FOXK2: variants seen among roughly 807,000 people sequenced by gnomAD.
FOXK2 encodes the protein forkhead box K2, also known as forkhead box protein K2.
FOXK2 carries 24 observed loss-of-function variants against 53.3 expected under a neutral mutation model. The ratio of observed to expected loss-of-function variants is 0.45; its 90% CI spans 0.33 to 0.63. The LOEUF (loss-of-function observed/expected upper bound fraction) is 0.63. Ranked by LOEUF, FOXK2 falls within the 30% of genes least tolerant of loss-of-function variation. The pLI is 0.03. For synonymous variants in FOXK2, 505 were observed against 407.1 expected (o/e 1.24, Z -2.89); for missense variants, 952 against 910.5 (o/e 1.05, Z -0.59).
chr17:82,557,805 C>T (rs1322506004), intron 1 of FOXK2, among the ~76,000 whole-genome samples: 1 of 152,092 alleles, frequency 6.6e-6, no homozygotes, highest in Non-Finnish European at 1.5e-5. Flanking sequence ...GCACCACCAT[C>T]CTGGGTAAGT....
Position 82,587,087 on chromosome 17 carries a change from T to C in FOXK2, c.1601T>C (p.Ile534Thr). 1.9e-6 allele frequency: 3 copies of C among 1,578,436 alleles called. No homozygotes were observed. The highest frequency in any genetic ancestry group is 2.6e-6 in the Non-Finnish European group (3 of 1,159,204). Reference protein sequence around the residue: ...VKVKVEPIPAIGHATLGTASR... With the variant: ...VKVKVEPIPATGHATLGTASR... ...GTGAAAGTAGAGCCTATTCCCGCCATTGGCCACGCCACGCTCGGCACTGCC... is the reference window on the plus strand; with the variant it reads ...GTGAAAGTAGAGCCTATTCCCGCCACTGGCCACGCCACGCTCGGCACTGCC... Residue 534 changes from isoleucine to threonine, a missense_variant, in exon 8 of 9, where the codon ATT becomes ACT. Coordinates refer to ENST00000335255, the MANE Select transcript of FOXK2 (RefSeq NM_004514.4).
intron 4 of FOXK2, among the ~76,000 whole-genome samples, chr17:82,573,210 C>CCTACCAG (rs903644212): frequency 6.6e-6 from 1 of 151,750 alleles, no homozygotes; most frequent in Non-Finnish European, 1.5e-5. Flanking sequence ...AAAAAAAAAG[C>CCTACCAG]CTACCAGCCA....
In FOXK2 at chr17:82,550,498, C is replaced by T. The variant is rs1269307662; in HGVS notation, c.420-12856C>T. Among the ~76,000 whole-genome samples, 6 of 139,050 alleles carry T rather than the reference C, an allele frequency of 4.3e-5. No individual in the cohort carries two copies. The East Asian group carries it at 6.7e-4, about 16-fold the overall frequency. The allele number at this position is 139,050 out of a possible 152,430, so 91.2% of individuals were successfully genotyped here. A position where few individuals can be genotyped will look rare whatever the true frequency, so the allele number is the denominator to read the frequency against. On this transcript the variant is annotated intron_variant, in intron 1 of 8. Coordinates refer to ENST00000335255, the MANE Select transcript of FOXK2 (RefSeq NM_004514.4). ...AACTCCATGCCTGGCCCTTCTGAGG[C>T]GGGCTTTTTTTTTTTTTTTTTTGAG...
At chr17:82,560,025 T>A (rs1424059282) in intron 1 of FOXK2, among the ~76,000 whole-genome samples, 5 of 119,084 alleles carry the variant, frequency 4.2e-5, no homozygotes, top group South Asian at 2.9e-4. Flanking sequence ...TTTTTTTTTT[T>A]AATGGAGTCT....
At chr17:82,577,577 G>A (rs573432394) in intron 4 of FOXK2, among the ~76,000 whole-genome samples, 107 of 152,230 alleles carry the variant, frequency 7.0e-4, no homozygotes, top group African/African-American at 2.2e-3. Context: ...GCATACCGCC[G>A]ACACTGCGGG....
rs901028493 is a variant in FOXK2, at chr17:82,586,173, G to A, written c.1549G>A (p.Glu517Lys). 11 of 1,611,412 alleles carry A rather than the reference G, an allele frequency of 6.8e-6. No homozygotes were observed. Among genetic ancestry groups the A allele is most frequent in the Admixed American group, 1.7e-5 (1 of 59,918 alleles). The change falls in exon 7 of 9, where the codon GAG (glutamate) becomes AAG (lysine). Residue 517 changes from glutamate (E) to lysine (K), a missense_variant. By Grantham distance (56) the Glu-to-Lys change is moderately conservative. Transcript: ENST00000335255. ...GGCCCCTCCTAAGGCAGAGGCCCAG[G>A]AGAATGGAGACCACAGGGAAGTCAA... is the stretch of plus-strand genomic sequence containing the variant. ...VLAPPKAEAQENGDHREVKVK... is the reference protein window; with the variant it reads ...VLAPPKAEAQKNGDHREVKVK...
chr17:82,546,192 C>T (rs1032958377), intron 1 of FOXK2, among the ~76,000 whole-genome samples: 14 of 145,142 alleles, frequency 9.6e-5, no homozygotes, highest in Admixed American at 2.1e-4. Context: ...TCTTGGCTCA[C>T]AGCAACCTCC....
At chr17:82,578,050 T>C (rs2045010778) in intron 4 of FOXK2, 2 of 152,406 alleles carry the variant, frequency 1.3e-5, no homozygotes, top group South Asian at 2.1e-4. Context: ...TGATCTCTTT[T>C]AAAGGGAGGA....
At chr17:82,529,069 G>A (rs1040660822) in intron 1 of FOXK2, among the ~76,000 whole-genome samples, 1 of 152,176 alleles carries the variant, frequency 6.6e-6, no homozygotes, top group South Asian at 2.1e-4. Flanking sequence ...CGCCTGTTGC[G>A]TAGCAACCTG....
chr17:82,587,609 C>T, intron 8 of FOXK2: 1 of 383,700 alleles, frequency 2.6e-6, no homozygotes, highest in South Asian at 2.3e-5. Flanking sequence ...GCCTCGCGCG[C>T]CCTGTGGCCT....
At chr17:82,573,628 C>G (rs966534673) in intron 4 of FOXK2, among the ~76,000 whole-genome samples, 1 of 151,340 alleles carries the variant, frequency 6.6e-6, no homozygotes, top group African/African-American at 2.4e-5. Flanking sequence ...ACCCATGTTC[C>G]AGTGACCATG....
intron 8 of FOXK2, among the ~76,000 whole-genome samples, chr17:82,592,444 C>G (rs532642168): frequency 2.3e-4 from 35 of 152,354 alleles, no homozygotes; most frequent in African/African-American, 8.4e-4. Context: ...GTTGCCACAG[C>G]TCAAGCCTCA....
intron 8 of FOXK2, among the ~76,000 whole-genome samples, chr17:82,589,000 G>A (rs60966564): frequency 0.16 from 25,031 of 151,718 alleles, 2,176 homozygotes; most frequent in Middle Eastern, 0.29. Context: ...GGAGGTTCCA[G>A]TGAGATGAGA....
intron 1 of FOXK2, among the ~76,000 whole-genome samples, chr17:82,555,911 A>AAAAAAG (rs2044720122): frequency 7.8e-6 from 1 of 128,364 alleles, no homozygotes. Flanking sequence ...AAAAAAAAAA[A>AAAAAAG]AAAAAGAAAT....
At chr17:82,601,274 G>A in intron 8 of FOXK2, 29 bp from the exon 9 acceptor site, 4 of 1,599,116 alleles carry the variant, frequency 2.5e-6, no homozygotes, top group Non-Finnish European at 2.6e-6. Flanking sequence ...GTGAGAGCGT[G>A]GGGTTCTGAC....
At chr17:82,574,336 T>TC (rs1263663228) in intron 4 of FOXK2, among the ~76,000 whole-genome samples, 1 of 151,834 alleles carries the variant, frequency 6.6e-6, no homozygotes, top group Non-Finnish European at 1.5e-5. Context: ...TTTTTTTTTT[T>TC]TGAGATAGAG....
chr17:82,586,906 CA>C (rs990332457), intron 7 of FOXK2, among the ~76,000 whole-genome samples, 156 bp from the exon 8 acceptor site: 3 of 151,386 alleles, frequency 2.0e-5, no homozygotes, highest in Non-Finnish European at 4.4e-5. Flanking sequence ...TCTCAAAAAA[CA>C]AAAAAAAGAT....
At chr17:82,600,255 G>C (rs996926054) in intron 8 of FOXK2, 2 of 152,338 alleles carry the variant, frequency 1.3e-5, no homozygotes, top group African/African-American at 2.4e-5. Context: ...GTAGGTGAGG[G>C]TGCCCCAGAG....
At chr17:82,599,532 C>G (rs1010990669) in intron 8 of FOXK2, 11 of 152,326 alleles carry the variant, frequency 7.2e-5, no homozygotes, top group African/African-American at 2.7e-4. Context: ...CCAGGGAACA[C>G]ACCTCTGTGG....
Sources: gnomAD v4.1 joint callset for allele counts (sites outside exome capture counted in the v4.1 genomes callset) on GRCh38, gnomAD v4.1.1 for gene constraint, MANE v1.5 for transcripts, NCBI Gene and HGNC (gene_info 2026-07-23, HGNC 2026-07-21) for gene names.